The following ABCF3 variants were observed in gnomAD, a reference collection of about 807,000 sequenced individuals.
ABCF3 encodes the protein ATP binding cassette subfamily F member 3, also known as ATP-binding cassette sub-family F member 3.
Under a neutral mutation model 94.3 loss-of-function variants are expected in ABCF3, and 62 were observed. That is an observed-to-expected ratio of 0.66 (90% CI 0.54 to 0.81). ABCF3 has a LOEUF of 0.81. ABCF3 is among the 40% of genes least tolerant of loss of function. The pLI, the probability that ABCF3 is intolerant of heterozygous loss-of-function variation, is 0.00. For synonymous variants in ABCF3, 355 were observed against 361.1 expected (o/e 0.98, Z 0.19); for missense variants, 843 against 925.3 (o/e 0.91, Z 1.15).
In ABCF3 at chr3:184,193,860, T is replaced by C; in HGVS notation, c.*162T>C. On this transcript the variant is annotated 3_prime_UTR_variant, in exon 21 of 21. Coordinates refer to ENST00000429586, the MANE Select transcript of ABCF3 (RefSeq NM_018358.3). The surrounding 1 kb of genome is among the most constrained non-coding windows in gnomAD (Gnocchi z 5.2). ...GACTGGAGCATCTTCTGCACAACCTTGGGAGCCCATCCAAGGGTTGGTGAG... is the reference window on the plus strand; with the variant it reads ...GACTGGAGCATCTTCTGCACAACCTCGGGAGCCCATCCAAGGGTTGGTGAG... 2 of 950,262 alleles carry C rather than the reference T, an allele frequency of 2.1e-6. No individual in the cohort carries two copies. The highest frequency in any genetic ancestry group is 3.0e-6 in the Non-Finnish European group (2 of 665,172). The allele number at this position is 950,262 out of a possible 1,614,324, so 58.9% of individuals were successfully genotyped here.
chr3:184,187,911 G>A lies in ABCF3; in HGVS notation c.497G>A (p.Arg166Gln), dbSNP rs145313249. 4.3e-6 allele frequency: 7 copies of A among 1,613,996 alleles called. No individual in the cohort carries two copies. Among genetic ancestry groups the A allele is most frequent in the African/African-American group, 2.7e-5 (2 of 74,920 alleles). ...ASQAGSRKES[R>Q]LESSGKNKSY... Reference sequence around the variant, plus strand: ...CAGGCAGGCAGCAGAAAGGAGAGTCGGTTGGAATCATCTGGCAAGAACAAA... The same window carrying A: ...CAGGCAGGCAGCAGAAAGGAGAGTCAGTTGGAATCATCTGGCAAGAACAAA... Residue 166 changes from arginine (R) to glutamine (Q), a missense_variant, in exon 6 of 21, where the codon CGG becomes CAG. Arg to Gln is a conservative substitution (Grantham distance 43). Coordinates refer to ENST00000429586, the MANE Select transcript of ABCF3 (RefSeq NM_018358.3).
rs145190425 is a variant in ABCF3, at chr3:184,186,237, C to G, written c.30C>G (p.Ser10Arg). MATCAEILR[S>R]EFPEIDGQVF... ...CGACTTGCGCCGAAATCCTGCGGAG[C>G]GAGTTCCCCGAAATTGACGGACAAG... Residue 10 changes from serine to arginine, a missense_variant, in exon 1 of 21, where the codon AGC (serine) becomes AGG (arginine). Coordinates refer to ENST00000429586, the MANE Select transcript of ABCF3 (RefSeq NM_018358.3). The G allele has an allele frequency of 2.2e-5, 35 of 1,614,108 alleles. No homozygotes were observed. The highest frequency in any genetic ancestry group is 2.8e-5 in the Non-Finnish European group (33 of 1,180,050).
In ABCF3 at chr3:184,193,736, GTC is replaced by G; in HGVS notation, c.*43_*44del. 1 of 1,543,740 alleles carries G rather than the reference GTC, an allele frequency of 6.5e-7. No individual in the cohort carries two copies. The highest frequency in any genetic ancestry group is 8.7e-7 in the Non-Finnish European group (1 of 1,142,864). On this transcript the variant is annotated 3_prime_UTR_variant, in exon 21 of 21. Transcript: ENST00000429586. This position sits in a 1 kb window ranked among gnomAD's most constrained non-coding sequence, Gnocchi z 5.2. ...GAGGACTCGCCCAGGACATGGACTGGTCTCTCAGACCCCTGGGCCACCATGTA... is the reference window on the plus strand; with the variant it reads ...GAGGACTCGCCCAGGACATGGACTGGTCTCAGACCCCTGGGCCACCATGTA...
chr3:184,187,824 G>A, intron 5 of ABCF3, 37 bp from the exon 6 acceptor site: 2 of 1,614,096 alleles, frequency 1.2e-6, no homozygotes, highest in Non-Finnish European at 1.7e-6. Context: ...AGAAGGTGGT[G>A]GGGAGCACTA....
At chr3:184,191,428 G>A (rs577924036) in intron 16 of ABCF3, among the ~76,000 whole-genome samples, 173 bp downstream of exon 16, 1 of 152,304 alleles carries the variant, frequency 6.6e-6, no homozygotes, top group African/African-American at 2.4e-5. Context: ...GCCGCACAGC[G>A]CTGCTCTTCA....
rs1371044084 is a variant in ABCF3 at position 184,192,636 on chromosome 3, G to A, written c.1605G>A (p.Leu535=). Residue 535 remains leucine, a synonymous_variant, in exon 17 of 21, where the codon CTG becomes CTA. Transcript: ENST00000429586. ...GENGAGKSTM[L]KLLLGDLAPV... ...ATGGGGCTGGGAAGTCTACCATGCT[G>A]AAGCTGCTTTTGGGGGACCTGGCAC... The A allele has an allele frequency of 6.2e-7, 1 of 1,611,114 alleles. No individual in the cohort carries two copies. The highest frequency in any genetic ancestry group is 1.1e-5 in the South Asian group (1 of 90,766).
rs778429401 is a variant in ABCF3 at position 184,192,731 on chromosome 3, A to C, written c.1658+42A>C. 1.1e-5 allele frequency: 18 copies of C among 1,608,978 alleles called. No individual in the cohort carries two copies. In the East Asian group the frequency reaches 3.1e-4, roughly 28 times the overall value. On this transcript the variant is annotated intron_variant, in intron 17 of 20. Coordinates refer to ENST00000429586, the MANE Select transcript of ABCF3 (RefSeq NM_018358.3). ...CCCCTGCCCCCATGAGCACATTTGC[A>C]GGCACCCATGCTGCCTGCGCTCCTT...
chr3:184,188,451 T>TA, intron 7 of ABCF3, 44 bp downstream of exon 7: 1 of 1,575,894 alleles, frequency 6.3e-7, no homozygotes, highest in Non-Finnish European at 8.6e-7. Context: ...CGCTGTCGCT[T>TA]ACAGAGCGCC....
intron 7 of ABCF3, 26 bp from the exon 8 acceptor site, chr3:184,188,734 GC>G (rs1560133810): frequency 4.3e-6 from 7 of 1,612,404 alleles, no homozygotes; most frequent in Non-Finnish European, 5.1e-6. Flanking sequence ...CCCTGCTTAG[GC>G]CAATTGCTGT....
In ABCF3 at chr3:184,189,371, C is replaced by G; in HGVS notation, c.1058-17C>G. On this transcript the variant is annotated splice_polypyrimidine_tract_variant and intron_variant, in intron 11 of 20. Transcript: ENST00000429586. The stretch of plus-strand genomic sequence containing the variant: ...CCAGCCCTTCAATCCCAAGTGTGTG[C>G]TCCCCTGCTTCTCCAGAACCTACAA... 6.2e-7 allele frequency: 1 copy of G among 1,614,188 alleles called. No individual in the cohort carries two copies. Among genetic ancestry groups the G allele is most frequent in the South Asian group, 1.1e-5 (1 of 91,086 alleles).
At chr3:184,186,755 C>T in intron 2 of ABCF3, 41 bp from the exon 3 acceptor site, 1 of 1,602,884 alleles carries the variant, frequency 6.2e-7, no homozygotes, top group Non-Finnish European at 8.5e-7. Context: ...GAGCTTTTCC[C>T]TCAACTCCTA....
In ABCF3 at chr3:184,188,879, T is replaced by C. The variant is rs762094160; in HGVS notation, c.917+38T>C. Reference sequence around the variant, plus strand: ...CCCCCTCCCTCCTTCAGATTTCCTTTCCCTTCTGTGGACTGTTCCAACTGA... The same window carrying C: ...CCCCCTCCCTCCTTCAGATTTCCTTCCCCTTCTGTGGACTGTTCCAACTGA... On this transcript the variant is annotated intron_variant, in intron 8 of 20. Coordinates refer to ENST00000429586, the MANE Select transcript of ABCF3 (RefSeq NM_018358.3). 3 of 1,614,152 alleles carry C rather than the reference T, an allele frequency of 1.9e-6. No homozygotes were observed. In the South Asian group the frequency reaches 3.3e-5, roughly 18 times the overall value.
In ABCF3 at chr3:184,189,154, C is replaced by G; in HGVS notation, c.1034+10C>G. 1 of 1,614,180 alleles carries G rather than the reference C, an allele frequency of 6.2e-7. No individual in the cohort carries two copies. Among genetic ancestry groups the G allele is most frequent in the Non-Finnish European group, 8.5e-7 (1 of 1,180,026 alleles). ...GGGCCCTCTTTGCTAGGTGAGTCTC[C>G]TGGGCCAGTGTATGAAGCCCTATGG... On this transcript the variant is annotated intron_variant, in intron 10 of 20. Coordinates refer to ENST00000429586, the MANE Select transcript of ABCF3 (RefSeq NM_018358.3).
Position 184,193,200 on chromosome 3 carries a change from A to C in ABCF3, c.1849A>C (p.Ser617Arg), listed in dbSNP as rs765841551. The change falls in exon 19 of 21, where the codon AGC becomes CGC. Residue 617 changes from serine (S) to arginine (R), a missense_variant. Ser to Arg is a moderately radical substitution (Grantham distance 110, BLOSUM62 -1). Coordinates refer to ENST00000429586, the MANE Select transcript of ABCF3 (RefSeq NM_018358.3). This position sits in a 1 kb window ranked among gnomAD's most constrained non-coding sequence, Gnocchi z 5.2. ...TGCCAGCCTGTCTGGGGGCCAGAAGAGCCGAGTGGCCTTTGCTCAGATGAC... is the reference window on the plus strand; with the variant it reads ...TGCCAGCCTGTCTGGGGGCCAGAAGCGCCGAGTGGCCTTTGCTCAGATGAC... Reference protein sequence around the residue: ...PLASLSGGQKSRVAFAQMTMP... With the variant: ...PLASLSGGQKRRVAFAQMTMP... 6.4e-7 allele frequency: 1 copy of C among 1,562,404 alleles called. No homozygotes were observed. The highest frequency in any genetic ancestry group is 1.2e-5 in the South Asian group (1 of 81,772).
chr3:184,188,251 G>A lies in ABCF3; in HGVS notation c.680G>A (p.Ser227Asn). Residue 227 changes from serine to asparagine, a missense_variant, in exon 7 of 21, where the codon AGT (serine) becomes AAT (asparagine). Ser to Asn is a conservative substitution (Grantham distance 46, BLOSUM62 1). Coordinates refer to ENST00000429586, the MANE Select transcript of ABCF3 (RefSeq NM_018358.3). ...TTACTGAAGATGCTGGCCACCCGGAGTCTGCGGGTTCCAGCCCACATTTCC... is the reference window on the plus strand; with the variant it reads ...TTACTGAAGATGCTGGCCACCCGGAATCTGCGGGTTCCAGCCCACATTTCC... ...TTLLKMLATRSLRVPAHISLL... is the reference protein window; with the variant it reads ...TTLLKMLATRNLRVPAHISLL... The A allele has an allele frequency of 6.2e-7, 1 of 1,614,196 alleles. No homozygotes were observed. The highest frequency in any genetic ancestry group is 8.5e-7 in the Non-Finnish European group (1 of 1,180,054).
intron 14 of ABCF3, 92 bp downstream of exon 14, chr3:184,190,023 T>C: frequency 7.4e-7 from 1 of 1,360,378 alleles, no homozygotes; most frequent in Admixed American, 1.9e-5. Context: ...ATTCTAGGTC[T>C]CCCCTTCGCT....
rs992071661 is a variant in ABCF3 at position 184,189,503 on chromosome 3, G to A, written c.1114-54G>A. On this transcript the variant is annotated intron_variant, in intron 12 of 20. Transcript: ENST00000429586. ...AAGGCGGCCTCCAAGATACCTGGGG[G>A]CCTGAGAACTGACTGCCCTCCCAAA... 3.0e-5 allele frequency: 49 copies of A among 1,613,730 alleles called. No individual in the cohort carries two copies. The Middle Eastern group carries it at 8.2e-4, about 27-fold the overall frequency.
chr3:184,189,819 G>A lies in ABCF3; in HGVS notation c.1315-36G>A, dbSNP rs375433465. ...GGGTTCCAGAGTGGGGGATAGTGGGGGAATTTGACCAATGCCTACACTCCT... is the reference window on the plus strand; with the variant it reads ...GGGTTCCAGAGTGGGGGATAGTGGGAGAATTTGACCAATGCCTACACTCCT... On this transcript the variant is annotated intron_variant, in intron 13 of 20. Coordinates refer to ENST00000429586, the MANE Select transcript of ABCF3 (RefSeq NM_018358.3). 2.5e-6 allele frequency: 4 copies of A among 1,613,926 alleles called. No individual in the cohort carries two copies. The African/African-American group carries it at 5.3e-5, about 22-fold the overall frequency.
At chr3:184,186,742 A>G (rs758743610) in intron 2 of ABCF3, 54 bp from the exon 3 acceptor site, 29 of 1,598,638 alleles carry the variant, frequency 1.8e-5, no homozygotes, top group Non-Finnish European at 2.4e-5. Flanking sequence ...TCTGATGGCC[A>G]TAGAGCTTTT....
Sources: allele counts gnomAD v4.1 joint callset (sites outside exome capture counted in the v4.1 genomes callset), GRCh38; gene constraint gnomAD v4.1.1; non-coding constraint Gnocchi (gnomAD v3.1); transcripts MANE v1.5; gene names NCBI Gene and HGNC (gene_info 2026-07-23, HGNC 2026-07-21).